Variants in CTH observed in about 807,000 individuals in gnomAD.
The protein encoded by CTH is cystathionase (cystathionine gamma-lyase).
Under a neutral mutation model 50.6 loss-of-function variants are expected in CTH, and 41 were observed. The ratio of observed to expected loss-of-function variants is 0.81; its 90% CI spans 0.63 to 1.05. CTH has a LOEUF of 1.05. Among genes scored for constraint, CTH ranks in the 50% least tolerant of loss-of-function variants. The pLI, the probability that CTH is intolerant of heterozygous loss-of-function variation, is 0.00. For missense variants in CTH, 470 were observed against 492.6 expected (o/e 0.95, Z 0.43); for synonymous variants, 156 against 168.9 (o/e 0.92, Z 0.59).
chr1:70,418,835 T>A (rs1684152093), intron 3 of CTH, among the ~76,000 whole-genome samples: 1 of 152,176 alleles, frequency 6.6e-6, no homozygotes, highest in South Asian at 2.1e-4. Context: ...TTCTTAAGAC[T>A]ACACTGAGTG....
intron 8 of CTH, 61 bp from the exon 9 acceptor site, chr1:70,433,767 C>T (rs1392588496): frequency 3.1e-6 from 5 of 1,599,632 alleles, no homozygotes; most frequent in South Asian, 2.2e-5. Flanking sequence ...ATACCACCCT[C>T]CCCCCCCAAA....
At chr1:70,418,387 C>A (rs1179361104) in intron 3 of CTH, among the ~76,000 whole-genome samples, 1 of 152,018 alleles carries the variant, frequency 6.6e-6, no homozygotes, top group Admixed American at 6.6e-5. Context: ...ATAGCTGGGA[C>A]CCCAGGCGCA....
Position 70,433,868 on chromosome 1 carries a change from G to C in CTH, c.918G>C (p.Gln306His), listed in dbSNP as rs1168215370. Residue 306 changes from glutamine (Q) to histidine (H), a missense_variant, in exon 9 of 12, where the codon CAG becomes CAC. Physicochemically the swap from Gln to His is conservative, Grantham distance 24 (BLOSUM62 0). Coordinates refer to ENST00000370938, the MANE Select transcript of CTH (RefSeq NM_001902.6). ...CACAGCATGAGTTGGTGAAGCGTCA[G>C]TGTACAGGTTGTACAGGGATGGTCA... Reference protein sequence around the residue: ...SHPQHELVKRQCTGCTGMVTF... With the variant: ...SHPQHELVKRHCTGCTGMVTF... The C allele has an allele frequency of 2.5e-6, 4 of 1,614,138 alleles. No individual in the cohort carries two copies. The highest frequency in any genetic ancestry group is 3.4e-6 in the Non-Finnish European group (4 of 1,179,998).
intron 3 of CTH, among the ~76,000 whole-genome samples, chr1:70,420,852 A>G (rs1395002849): frequency 2.6e-5 from 4 of 152,130 alleles, no homozygotes; most frequent in Non-Finnish European, 5.9e-5. Context: ...AACTTTTTAC[A>G]TTATTTTTCA....
intron 8 of CTH, among the ~76,000 whole-genome samples, chr1:70,433,192 A>T (rs1415294012): frequency 1.3e-5 from 2 of 152,204 alleles, no homozygotes; most frequent in Admixed American, 6.5e-5. Flanking sequence ...AGAAAAATTA[A>T]GACTGGAATT....
chr1:70,422,553 A>G (rs757433822), intron 4 of CTH, among the ~76,000 whole-genome samples: 16 of 151,982 alleles, frequency 1.1e-4, no homozygotes, highest in Non-Finnish European at 2.2e-4. Context: ...TTTCCAGAAG[A>G]ACTTGTTTTT....
At chr1:70,421,443 T>C (rs1047045366) in intron 3 of CTH, 123 bp from the exon 4 acceptor site, 9 of 992,358 alleles carry the variant, frequency 9.1e-6, no homozygotes, top group Non-Finnish European at 1.4e-5. Context: ...TAGAATTGCT[T>C]TTAGTTGCAT....
intron 3 of CTH, 21 bp from the exon 4 acceptor site, chr1:70,421,545 T>A: frequency 1.2e-6 from 2 of 1,608,384 alleles, no homozygotes; most frequent in Non-Finnish European, 1.7e-6. Flanking sequence ...TTTCATTTTA[T>A]CTGATTCCCT....
At position 70,414,757 on chromosome 1, in the gene CTH, G is replaced by A. The variant is rs186844475; in HGVS notation, c.169-1199G>A. 3.9e-5 allele frequency among the ~76,000 whole-genome samples: 6 copies of A among 152,242 alleles called. No homozygotes were observed. The East Asian group carries it at 9.7e-4, about 24-fold the overall frequency. Reference sequence around the variant, plus strand: ...CACTTTCCTCAAAGCCAGTCATAAGGATTAGTAGAATGACTGGATGAATAT... The same window carrying A: ...CACTTTCCTCAAAGCCAGTCATAAGAATTAGTAGAATGACTGGATGAATAT... On this transcript the variant is annotated intron_variant, in intron 1 of 11. Coordinates refer to ENST00000370938, the MANE Select transcript of CTH (RefSeq NM_001902.6).
In CTH at chr1:70,411,363, G is replaced by T; in HGVS notation, c.-53G>T. ...CTCCCAACCCCGGACACCCGGCTTC[G>T]ACTGGTTATATCTTCGGTGTTCTTT... On this transcript the variant is annotated 5_prime_UTR_variant, in exon 1 of 12. Transcript: ENST00000370938. The T allele has an allele frequency of 1.9e-6, 3 of 1,605,352 alleles. No homozygotes were observed. Among genetic ancestry groups the T allele is most frequent in the South Asian group, 2.2e-5 (2 of 90,792 alleles).
At chr1:70,430,263 CAT>C in intron 6 of CTH, 52 bp from the exon 7 acceptor site, 1 of 949,564 alleles carries the variant, frequency 1.1e-6, no homozygotes, top group Non-Finnish European at 1.7e-6. Flanking sequence ...AAAGAGTAAA[CAT>C]AAATTGTTTC....
intron 5 of CTH, among the ~76,000 whole-genome samples, chr1:70,428,009 G>A (rs1243822711): frequency 3.3e-5 from 5 of 152,128 alleles, no homozygotes; most frequent in South Asian, 4.1e-4. Context: ...CACCACTCCC[G>A]GCTTGACAGT....
chr1:70,424,718 G>A (rs1371267466), intron 5 of CTH, among the ~76,000 whole-genome samples: 6 of 152,290 alleles, frequency 3.9e-5, no homozygotes, highest in African/African-American at 7.2e-5. Flanking sequence ...CGAGGCGGGC[G>A]GATCAGGAGA....
intron 10 of CTH, among the ~76,000 whole-genome samples, chr1:70,437,524 G>A (rs1684622816): frequency 6.6e-6 from 1 of 152,140 alleles, no homozygotes; most frequent in Non-Finnish European, 1.5e-5. Flanking sequence ...CTGAGGATGA[G>A]TAACTTTTAT....
intron 5 of CTH, among the ~76,000 whole-genome samples, chr1:70,427,988 C>T (rs930959334): frequency 6.6e-6 from 1 of 152,212 alleles, no homozygotes; most frequent in African/African-American, 2.4e-5. Context: ...GCTGGGATTA[C>T]AGGCGTGAAC....
At chr1:70,414,664 A>G (rs1053107181) in intron 1 of CTH, among the ~76,000 whole-genome samples, 4 of 152,190 alleles carry the variant, frequency 2.6e-5, no homozygotes, top group Non-Finnish European at 1.5e-5. Context: ...TAGGACTTCT[A>G]ATTAATGTTC....
chr1:70,438,191 G>T (rs1306456694), intron 10 of CTH, among the ~76,000 whole-genome samples: 1 of 152,124 alleles, frequency 6.6e-6, no homozygotes, highest in Non-Finnish European at 1.5e-5. Context: ...AATGCTTACT[G>T]GTTGCTACTA....
intron 8 of CTH, among the ~76,000 whole-genome samples, chr1:70,432,748 ATT>A (rs1388764195): frequency 7.3e-6 from 1 of 136,130 alleles, no homozygotes; most frequent in Non-Finnish European, 1.5e-5. Context: ...CAATGATGCA[ATT>A]TCAGCTCACT....
intron 9 of CTH, among the ~76,000 whole-genome samples, chr1:70,434,437 T>C (rs1275056414): frequency 1.3e-5 from 2 of 152,202 alleles, no homozygotes; most frequent in Non-Finnish European, 2.9e-5. Flanking sequence ...GGCTTAACCT[T>C]GAGCTCATGC....
Sources: gnomAD v4.1 joint callset for allele counts (sites outside exome capture counted in the v4.1 genomes callset) on GRCh38, gnomAD v4.1.1 for gene constraint, MANE v1.5 for transcripts, NCBI Gene and HGNC (gene_info 2026-07-23, HGNC 2026-07-21) for gene names.